GTPBP8: variants seen among roughly 807,000 people sequenced by gnomAD.
GTPBP8 encodes the protein GTP binding protein 8.
In GTPBP8, 21 loss-of-function variants were observed where a neutral mutation model predicts 27.3. The ratio of observed to expected loss-of-function variants is 0.77; its 90% CI spans 0.55 to 1.11. GTPBP8 has a LOEUF of 1.11. Among genes scored for constraint, GTPBP8 ranks in the 50% least tolerant of loss-of-function variants. GTPBP8 has a pLI of 0.00. For missense variants in GTPBP8, 380 were observed against 350.8 expected (o/e 1.08, Z -0.67); for synonymous variants, 147 against 135.3 (o/e 1.09, Z -0.60).
At chr3:112,998,216 AT>A (rs1426567535) in intron 4 of GTPBP8, among the ~76,000 whole-genome samples, 1 of 152,066 alleles carries the variant, frequency 6.6e-6, no homozygotes, top group Non-Finnish European at 1.5e-5. Context: ...AATCCCACAG[AT>A]TGAGGATTCA....
At chr3:112,991,470 A>C (rs186259225) in intron 1 of GTPBP8, 135 bp downstream of exon 1, 1 of 798,296 alleles carries the variant, frequency 1.3e-6, no homozygotes, top group Admixed American at 2.0e-5. Context: ...TTTTAACTCA[A>C]TAGGCATATG....
At chr3:112,999,380 G>C in intron 4 of GTPBP8, 66 bp from the exon 5 acceptor site, 1 of 572,980 alleles carries the variant, frequency 1.7e-6, no homozygotes, top group Non-Finnish European at 3.1e-6. Flanking sequence ...AAAAATTATA[G>C]CTAAAATGTG....
In GTPBP8 at chr3:113,001,095, GA is replaced by G; in HGVS notation, c.*182del. On this transcript the variant is annotated 3_prime_UTR_variant, in exon 6 of 6. Transcript: ENST00000383678. ...CGAAACAAGAATTTGTGCCTGAGGT[GA>G]AAAAAGTTTGTAAGTTATTGAATTA... 1 of 540,040 alleles carries G rather than the reference GA, an allele frequency of 1.9e-6. No homozygotes were observed. The highest frequency in any genetic ancestry group is 3.3e-6 in the Non-Finnish European group (1 of 305,886). 33.5% of individuals were successfully genotyped at this position (540,040 alleles called of 1,614,324 possible). A position where few individuals can be genotyped will look rare whatever the true frequency, so the allele number is the denominator to read the frequency against.
chr3:112,994,524 G>C (rs923308550), intron 2 of GTPBP8, among the ~76,000 whole-genome samples: 3 of 151,832 alleles, frequency 2.0e-5, no homozygotes, highest in Non-Finnish European at 4.4e-5. Flanking sequence ...CATCATCTGT[G>C]CATCAATTTT....
intron 2 of GTPBP8, 70 bp from the exon 3 acceptor site, chr3:112,995,065 C>T (rs1312204715): frequency 1.7e-6 from 2 of 1,180,310 alleles, no homozygotes; most frequent in Non-Finnish European, 2.4e-6. Context: ...AACTGGAAAA[C>T]ATTTTGAATC....
intron 2 of GTPBP8, 29 bp downstream of exon 2, chr3:112,993,153 A>G (rs1933717216): frequency 9.0e-7 from 1 of 1,109,412 alleles, no homozygotes; most frequent in Non-Finnish European, 1.4e-6. Context: ...ATATGTTTGG[A>G]CTATCTCTTG....
intron 4 of GTPBP8, 71 bp from the exon 5 acceptor site, chr3:112,999,375 T>G: frequency 1.7e-6 from 1 of 575,564 alleles, no homozygotes; most frequent in Non-Finnish European, 3.1e-6. Context: ...AAATGAAAAA[T>G]TATAGCTAAA....
rs565265086 is a variant in GTPBP8 at position 112,991,054 on chromosome 3, G to A, written c.55G>A (p.Val19Met). 48 of 1,613,406 alleles carry A rather than the reference G, an allele frequency of 3.0e-5. No homozygotes were observed. Among genetic ancestry groups the A allele is most frequent in the South Asian group, 1.3e-4 (12 of 91,054 alleles). The change falls in exon 1 of 6, where the codon GTG becomes ATG. Residue 19 changes from valine to methionine, a missense_variant. Val to Met is a conservative substitution (Grantham distance 21). Transcript: ENST00000383678. ...GAGRLFEMPAVLERLSRYNST... is the reference protein window; with the variant it reads ...GAGRLFEMPAMLERLSRYNST... Reference sequence around the variant, plus strand: ...GGGAAGACTCTTTGAAATGCCTGCGGTGCTAGAGCGACTGAGCCGCTATAA... The same window carrying A: ...GGGAAGACTCTTTGAAATGCCTGCGATGCTAGAGCGACTGAGCCGCTATAA...
chr3:113,000,329 G>A (rs1933868484), intron 5 of GTPBP8, among the ~76,000 whole-genome samples: 1 of 152,090 alleles, frequency 6.6e-6, no homozygotes, highest in Non-Finnish European at 1.5e-5. Context: ...TCACGCCATT[G>A]CACTCCAGCC....
chr3:112,991,267 C>T lies in GTPBP8; in HGVS notation c.268C>T (p.Arg90Trp). 1.2e-6 allele frequency: 2 copies of T among 1,613,910 alleles called. No homozygotes were observed. The highest frequency in any genetic ancestry group is 1.7e-6 in the Non-Finnish European group (2 of 1,180,036). The change falls in exon 1 of 6, where the codon CGG (arginine) becomes TGG (tryptophan). Residue 90 changes from arginine (R) to tryptophan (W), a missense_variant. Coordinates refer to ENST00000383678, the MANE Select transcript of GTPBP8 (RefSeq NM_014170.4). The stretch of plus-strand genomic sequence containing the variant: ...GGACAACATCTTCACGGCCACTGAA[C>T]GGAACCGCATCGACTACGTCAGCTC... ...RADNIFTATE[R>W]NRIDYVSSAV...
intron 4 of GTPBP8, among the ~76,000 whole-genome samples, chr3:112,998,324 C>T (rs1322952908): frequency 6.6e-6 from 1 of 152,160 alleles, no homozygotes; most frequent in Admixed American, 6.5e-5. Flanking sequence ...GTTCCAACTA[C>T]CCCCTCTTTG....
chr3:112,994,534 T>C (rs981908725), intron 2 of GTPBP8, among the ~76,000 whole-genome samples: 3 of 152,244 alleles, frequency 2.0e-5, no homozygotes, highest in African/African-American at 7.2e-5. Context: ...GCATCAATTT[T>C]AGTTGCACAA....
intron 2 of GTPBP8, 63 bp from the exon 3 acceptor site, chr3:112,995,072 A>C: frequency 8.1e-7 from 1 of 1,238,564 alleles, no homozygotes; most frequent in Non-Finnish European, 1.1e-6. Context: ...AAACATTTTG[A>C]ATCATTAACT....
chr3:112,991,479 T>C (rs1933678410), intron 1 of GTPBP8, 144 bp downstream of exon 1: 1 of 761,298 alleles, frequency 1.3e-6, no homozygotes, highest in Middle Eastern at 2.2e-4. Context: ...AATAGGCATA[T>C]GTCGATGCTC....
At position 112,991,258 on chromosome 3, in the gene GTPBP8, G is replaced by A; in HGVS notation, c.259G>A (p.Ala87Thr). ...AGCCAGGGCGGACAACATCTTCACG[G>A]CCACTGAACGGAACCGCATCGACTA... Reference protein sequence around the residue: ...DIARADNIFTATERNRIDYVS... With the variant: ...DIARADNIFTTTERNRIDYVS... Residue 87 changes from alanine to threonine, a missense_variant, in exon 1 of 6, where the codon GCC (alanine) becomes ACC (threonine). Physicochemically the swap from Ala to Thr is moderately conservative, Grantham distance 58. Transcript: ENST00000383678. 1.2e-6 allele frequency: 2 copies of A among 1,613,984 alleles called. No individual in the cohort carries two copies. The highest frequency in any genetic ancestry group is 1.7e-6 in the Non-Finnish European group (2 of 1,180,036).
intron 1 of GTPBP8, chr3:112,991,551 A>T: frequency 1.4e-6 from 1 of 696,538 alleles, no homozygotes; most frequent in Non-Finnish European, 2.6e-6. Context: ...AATACCCATA[A>T]ACCCATGGTA....
At chr3:112,994,583 T>C (rs1399482465) in intron 2 of GTPBP8, among the ~76,000 whole-genome samples, 1 of 152,162 alleles carries the variant, frequency 6.6e-6, no homozygotes, top group Non-Finnish European at 1.5e-5. Context: ...CAGTAAAAAA[T>C]TGTTTAATAA....
chr3:112,991,394 C>G, intron 1 of GTPBP8, 59 bp downstream of exon 1: 2 of 1,492,896 alleles, frequency 1.3e-6, no homozygotes, highest in Non-Finnish European at 1.9e-6. Flanking sequence ...AACCGCTTCC[C>G]TGGCCGTCCG....
intron 3 of GTPBP8, among the ~76,000 whole-genome samples, chr3:112,996,057 CTTG>C (rs1933779778): frequency 2.0e-5 from 3 of 152,010 alleles, no homozygotes; most frequent in South Asian, 4.1e-4. Context: ...AAAAATGTAT[CTTG>C]TTTGTTGTAG....
Sources: gnomAD v4.1 joint callset for allele counts (sites outside exome capture counted in the v4.1 genomes callset) on GRCh38, gnomAD v4.1.1 for gene constraint, MANE v1.5 for transcripts, NCBI Gene and HGNC (gene_info 2026-07-23, HGNC 2026-07-21) for gene names.